The following CUX1 variants were observed in gnomAD, a reference collection of about 807,000 sequenced individuals.
CUX1 encodes cut like homeobox 1.
Under a neutral mutation model 158.8 loss-of-function variants are expected in CUX1, and 31 were observed. The ratio of observed to expected loss-of-function variants is 0.20; its 90% CI spans 0.15 to 0.26. The LOEUF (loss-of-function observed/expected upper bound fraction) is 0.26, where lower values mean the gene tolerates loss of function less well. Among genes scored for constraint, CUX1 ranks in the 10% least tolerant of loss-of-function variants. The pLI, the probability that CUX1 is intolerant of heterozygous loss-of-function variation, is 1.00. For missense variants in CUX1, 1,589 were observed against 2,014.6 expected, an observed-to-expected ratio of 0.79 and a Z score of 4.04; for synonymous variants, 879 against 862.1, an observed-to-expected ratio of 1.02 and a Z score of -0.34.
chr7:101,933,818 A>G (rs1363792626), intron 2 of CUX1, among the ~76,000 whole-genome samples: 1 of 152,168 alleles, frequency 6.6e-6, no homozygotes, highest in East Asian at 1.9e-4. Context: ...TTTTAACCAG[A>G]CATTTAAAAA....
At chr7:102,066,888 A>G (rs759781180) in intron 3 of CUX1, among the ~76,000 whole-genome samples, 18 of 152,382 alleles carry the variant, frequency 1.2e-4, no homozygotes, top group Admixed American at 1.0e-3. Flanking sequence ...GATACATGAT[A>G]CGACAGGGAA....
At chr7:102,186,875 A>T (rs1205009393) in intron 11 of CUX1, 1 of 152,114 alleles carries the variant, frequency 6.6e-6, no homozygotes, top group Non-Finnish European at 1.5e-5. Flanking sequence ...TCTACTAAAA[A>T]TAGAAAAATT....
At chr7:101,930,439 G>A (rs1189292609) in intron 2 of CUX1, among the ~76,000 whole-genome samples, 2 of 152,172 alleles carry the variant, frequency 1.3e-5, no homozygotes, top group Non-Finnish European at 2.9e-5. Context: ...TGGATACCAA[G>A]CCATGCTAAC....
chr7:101,899,666 A>G (rs959407959), intron 1 of CUX1, among the ~76,000 whole-genome samples: 1 of 152,226 alleles, frequency 6.6e-6, no homozygotes, highest in African/African-American at 2.4e-5. Context: ...TGATAGAGAA[A>G]AAGTCCTGAT....
At chr7:102,042,204 C>T (rs962961052) in intron 3 of CUX1, among the ~76,000 whole-genome samples, 3 of 152,186 alleles carry the variant, frequency 2.0e-5, no homozygotes, top group African/African-American at 7.2e-5. Context: ...TGGGTTGGAC[C>T]AGTGCTGCAC....
At chr7:102,188,225 G>A (rs781947034) in intron 11 of CUX1, among the ~76,000 whole-genome samples, 1 of 151,622 alleles carries the variant, frequency 6.6e-6, no homozygotes, top group Non-Finnish European at 1.5e-5. Flanking sequence ...AGAAGAAGAA[G>A]AACAAGAAGC....
In CUX1 at chr7:102,250,321, C is replaced by T. The variant is rs1204097759; in HGVS notation, c.*1279C>T. On this transcript the variant is annotated 3_prime_UTR_variant, in exon 24 of 24. Transcript: ENST00000292535. ...GTTCCAGGGCCAGACGGGCCCATCC[C>T]CAAGTAGATAGCAGTCTACGGATCT... 1.0e-6 allele frequency: 1 copy of T among 985,448 alleles called. No homozygotes were observed. Among genetic ancestry groups the T allele is most frequent in the South Asian group, 4.7e-5 (1 of 21,288 alleles). The allele number at this position is 985,448 out of a possible 1,614,324, so 61.0% of individuals were successfully genotyped here. A position where few individuals can be genotyped will look rare whatever the true frequency, so the allele number is the denominator to read the frequency against.
intron 12 of CUX1, among the ~76,000 whole-genome samples, chr7:102,192,742 G>GA (rs782494747): frequency 9.2e-5 from 14 of 152,286 alleles, no homozygotes; most frequent in Admixed American, 3.9e-4. Context: ...CTGCACCTGC[G>GA]AGTCGTAAAT....
chr7:102,151,719 C>T (rs991039441), intron 8 of CUX1, among the ~76,000 whole-genome samples: 2 of 92,210 alleles, frequency 2.2e-5, no homozygotes, highest in Admixed American at 1.5e-4. Flanking sequence ...CAGAGTGAGA[C>T]TCTGTCTCAA....
At chr7:101,985,432 A>ATGGTGGCAGCTGCAAGG (rs1240075266) in intron 2 of CUX1, among the ~76,000 whole-genome samples, 2 of 152,198 alleles carry the variant, frequency 1.3e-5, no homozygotes, top group Non-Finnish European at 2.9e-5. Context: ...GTCCACGATC[A>ATGGTGGCAGCTGCAAGG]TGGTGGCAGC....
At chr7:102,217,363 C>T (rs1290276816) in intron 20 of CUX1, among the ~76,000 whole-genome samples, 2 of 152,264 alleles carry the variant, frequency 1.3e-5, no homozygotes, top group Admixed American at 1.3e-4. Flanking sequence ...CTCCGAATCC[C>T]CGGCAGGTCC....
intron 2 of CUX1, among the ~76,000 whole-genome samples, chr7:101,982,011 T>C (rs1813510811): frequency 6.6e-6 from 1 of 152,122 alleles, no homozygotes; most frequent in African/African-American, 2.4e-5. Context: ...CAAGATGGCC[T>C]AAAATAAGCA....
chr7:101,890,641 T>G (rs1800781340), intron 1 of CUX1, among the ~76,000 whole-genome samples: 1 of 152,154 alleles, frequency 6.6e-6, no homozygotes, highest in Non-Finnish European at 1.5e-5. Context: ...ATAAAATATA[T>G]AGAGAGGTTG....
At chr7:101,870,151 T>G (rs1426001984) in intron 1 of CUX1, among the ~76,000 whole-genome samples, 1 of 122,774 alleles carries the variant, frequency 8.1e-6, no homozygotes, top group African/African-American at 3.3e-5. Context: ...AGTGTTTTTT[T>G]TGTTTTTTTT....
chr7:102,166,046 AT>A (rs1289995429), intron 9 of CUX1, among the ~76,000 whole-genome samples: 39 of 152,252 alleles, frequency 2.6e-4, no homozygotes, highest in African/African-American at 9.4e-4. Context: ...AGGGTCTTCC[AT>A]TTTGAGATGA....
At chr7:101,845,428 G>A (rs1159074556) in intron 1 of CUX1, among the ~76,000 whole-genome samples, 3 of 152,270 alleles carry the variant, frequency 2.0e-5, no homozygotes, top group East Asian at 1.9e-4. Context: ...TGAGACAGGC[G>A]ATGGGTGGTG....
Position 101,817,654 on chromosome 7 carries a change from C to G in CUX1, c.15C>G (p.Ala5=). MLCV[A]GARLKRELDA... is the part of the protein sequence containing the mutation. ...CTGCCAGGTGGATGTTGTGCGTAGC[C>G]GGAGCCAGGTTGAAGGTGAGCGGCG... Residue 5 remains alanine (A), a synonymous_variant, in exon 1 of 24, where the codon GCC becomes GCG. Transcript: ENST00000292535. The surrounding 1 kb of genome is among the most constrained non-coding windows in gnomAD (Gnocchi z 4.1). The G allele has an allele frequency of 1.3e-6, 2 of 1,552,290 alleles. No individual in the cohort carries two copies. The highest frequency in any genetic ancestry group is 1.7e-6 in the Non-Finnish European group (2 of 1,147,800).
chr7:102,028,478 C>T (rs1417534413), intron 3 of CUX1, among the ~76,000 whole-genome samples: 4 of 152,190 alleles, frequency 2.6e-5, no homozygotes, highest in East Asian at 1.9e-4. Context: ...GTCGCCTTGT[C>T]CCCCTGAGCT....
chr7:102,003,295 A>AACACACACACACACACAC (rs56760446), intron 2 of CUX1, among the ~76,000 whole-genome samples: 234 of 131,956 alleles, frequency 1.8e-3, no homozygotes, highest in East Asian at 4.0e-3. Context: ...CCTGGTGCCG[A>AACACACACACACACACAC]ACACACACAC....
Sources: gnomAD v4.1 joint callset for allele counts (sites outside exome capture counted in the v4.1 genomes callset) on GRCh38, gnomAD v4.1.1 for gene constraint, Gnocchi (gnomAD v3.1) non-coding constraint, MANE v1.5 for transcripts, NCBI Gene and HGNC (gene_info 2026-07-23, HGNC 2026-07-21) for gene names.